The following CCDC38 variants were observed in gnomAD, a reference collection of about 807,000 sequenced individuals.
CCDC38 encodes the protein coiled-coil domain containing 38, also known as coiled-coil domain-containing protein 38.
CCDC38 carries 69 observed loss-of-function variants against 72.8 expected under a neutral mutation model. The ratio of observed to expected loss-of-function variants is 0.95; its 90% CI spans 0.78 to 1.16. The LOEUF (loss-of-function observed/expected upper bound fraction) is 1.16, where lower values mean the gene tolerates loss of function less well. Ranked by LOEUF, CCDC38 falls within the 50% of genes most tolerant of loss-of-function variation. The pLI is 0.00. For synonymous variants in CCDC38, 201 were observed against 213.2 expected (o/e 0.94, Z 0.50); for missense variants, 626 against 638.9 (o/e 0.98, Z 0.22).
At position 95,939,166 on chromosome 12, in the gene CCDC38, G is replaced by C. The variant is rs184857756; in HGVS notation, c.-14-2643C>G. Among the ~76,000 whole-genome samples the C allele has an allele frequency of 2.6e-5, 4 of 152,314 alleles. No individual in the cohort carries two copies. In the East Asian group the frequency reaches 5.8e-4, roughly 22 times the overall value. ...TTGGATGGCCTCAGTTGCATAGTAT[G>C]TGCTATGGGAGTGTAAGCACATGGA... On this transcript the variant is annotated intron_variant, in intron 1 of 15. Coordinates refer to ENST00000344280, the MANE Select transcript of CCDC38 (RefSeq NM_182496.3).
At chr12:95,932,887 G>A (rs190757742) in intron 2 of CCDC38, among the ~76,000 whole-genome samples, 4 of 152,222 alleles carry the variant, frequency 2.6e-5, no homozygotes, top group Non-Finnish European at 5.9e-5. Context: ...CTACAGTAAA[G>A]GGAAAGACAA....
intron 4 of CCDC38, among the ~76,000 whole-genome samples, chr12:95,914,329 C>A (rs561717292): frequency 6.6e-6 from 1 of 152,068 alleles, no homozygotes; most frequent in Non-Finnish European, 1.5e-5. Flanking sequence ...GTCTCAAAAA[C>A]AAAACAAAAC....
chr12:95,896,201 G>A (rs920762040), intron 7 of CCDC38, among the ~76,000 whole-genome samples: 2 of 152,064 alleles, frequency 1.3e-5, no homozygotes, highest in Non-Finnish European at 2.9e-5. Context: ...TTTAAAATAG[G>A]TACTATTATT....
chr12:95,921,101 C>T (rs2080202153), intron 2 of CCDC38, among the ~76,000 whole-genome samples: 1 of 150,228 alleles, frequency 6.7e-6, no homozygotes, highest in Non-Finnish European at 1.5e-5. Flanking sequence ...GCACTCCAGC[C>T]TGGGCAACAA....
intron 2 of CCDC38, among the ~76,000 whole-genome samples, chr12:95,920,940 C>T (rs1053568194): frequency 7.0e-6 from 1 of 141,948 alleles, no homozygotes; most frequent in African/African-American, 2.5e-5. Flanking sequence ...ACCAGCGTGA[C>T]CAACGTGGAG....
At position 95,895,047 on chromosome 12, in the gene CCDC38, T is replaced by C. The variant is rs1382899739; in HGVS notation, c.714A>G (p.Leu238=). The C allele has an allele frequency of 1.2e-6, 2 of 1,613,408 alleles. No individual in the cohort carries two copies. Among genetic ancestry groups the C allele is most frequent in the South Asian group, 1.1e-5 (1 of 90,824 alleles). ...SPKHWQIQQA[L]KRAQASKSKA... is the part of the protein sequence containing the mutation. Reference sequence around the variant, plus strand: ...TACTTTTTGATGCCTGTGCTCTTTTTAGTGCTTGCTGGATTTGCCAATGTT... The same window carrying C: ...TACTTTTTGATGCCTGTGCTCTTTTCAGTGCTTGCTGGATTTGCCAATGTT... The change falls in exon 8 of 16, where the codon CTA becomes CTG. Residue 238 remains leucine, a synonymous_variant. Transcript: ENST00000344280.
intron 1 of CCDC38, among the ~76,000 whole-genome samples, chr12:95,940,823 A>G (rs1214711537): frequency 6.6e-6 from 1 of 152,082 alleles, no homozygotes; most frequent in Non-Finnish European, 1.5e-5. Context: ...CAGGCTATTT[A>G]GTATGGACGC....
At chr12:95,898,315 C>T (rs2079912869) in intron 7 of CCDC38, 70 bp downstream of exon 7, 2 of 1,418,498 alleles carry the variant, frequency 1.4e-6, no homozygotes, top group Non-Finnish European at 1.0e-6. Context: ...ATTATTAGGT[C>T]TTACCTGGCA....
At chr12:95,941,654 GCAGAAATTTTATAATAGAA>G (rs563405249) in intron 1 of CCDC38, among the ~76,000 whole-genome samples, 1 of 152,246 alleles carries the variant, frequency 6.6e-6, no homozygotes, top group African/African-American at 2.4e-5. Context: ...AAAGTCTTCA[GCAGAAATTTTATAATAGAA>G]AATTTTAATA....
At chr12:95,876,695 G>T (rs2079639591) in intron 13 of CCDC38, among the ~76,000 whole-genome samples, 1 of 152,158 alleles carries the variant, frequency 6.6e-6, no homozygotes, top group Non-Finnish European at 1.5e-5. Context: ...CCTAGGAAAT[G>T]TGTGTGTGTC....
chr12:95,889,888 C>T (rs974047062), intron 9 of CCDC38, among the ~76,000 whole-genome samples: 1 of 148,718 alleles, frequency 6.7e-6, no homozygotes. Context: ...ATGACATATG[C>T]TTATTTTACT....
At chr12:95,883,676 T>C (rs1282650125) in intron 10 of CCDC38, among the ~76,000 whole-genome samples, 1 of 152,218 alleles carries the variant, frequency 6.6e-6, no homozygotes, top group African/African-American at 2.4e-5. Context: ...CATTATCACA[T>C]TGTATTGCAA....
At chr12:95,923,324 T>A (rs2080229137) in intron 2 of CCDC38, among the ~76,000 whole-genome samples, 1 of 152,074 alleles carries the variant, frequency 6.6e-6, no homozygotes, top group African/African-American at 2.4e-5. Flanking sequence ...GAGTTCTGCC[T>A]AATACAGTGG....
chr12:95,886,207 A>G, intron 10 of CCDC38, among the ~76,000 whole-genome samples: 1 of 152,214 alleles, frequency 6.6e-6, no homozygotes, highest in East Asian at 1.9e-4. Context: ...TGCAAAAGCA[A>G]TTCAATGAAA....
chr12:95,905,035 AGT>A (rs1202058780), intron 5 of CCDC38, among the ~76,000 whole-genome samples: 1 of 152,222 alleles, frequency 6.6e-6, no homozygotes, highest in African/African-American at 2.4e-5. Flanking sequence ...AAAATGGAAT[AGT>A]ATTTGCATAT....
At chr12:95,925,706 A>T (rs572918919) in intron 2 of CCDC38, among the ~76,000 whole-genome samples, 1 of 152,186 alleles carries the variant, frequency 6.6e-6, no homozygotes, top group South Asian at 2.1e-4. Flanking sequence ...TTATTTTGAG[A>T]TACGTCCCAT....
upstream of CCDC38, chr12:95,943,163 C>T (rs1381732161): frequency 4.1e-6 from 2 of 493,666 alleles, no homozygotes; most frequent in African/African-American, 2.0e-5. Context: ...TGGGACAAGA[C>T]GACCAAAAAA....
intron 4 of CCDC38, among the ~76,000 whole-genome samples, chr12:95,911,788 C>T (rs1291632343): frequency 1.3e-5 from 2 of 152,152 alleles, no homozygotes; most frequent in African/African-American, 2.4e-5. Context: ...AATTCAGCCC[C>T]ATGTGGAAAG....
Position 95,898,585 on chromosome 12 carries a change from A to G in CCDC38, c.516T>C (p.Ser172=), listed in dbSNP as rs906222277. The change falls in exon 6 of 16, where the codon TCT becomes TCC. Residue 172 remains serine (S), a synonymous_variant. Coordinates refer to ENST00000344280, the MANE Select transcript of CCDC38 (RefSeq NM_182496.3). Reference sequence around the variant, plus strand: ...AAACAAACATTTTCAGAGCGTCTACAGATCTCTGGTCATTTTCTCGAAGGA... The same window carrying G: ...AAACAAACATTTTCAGAGCGTCTACGGATCTCTGGTCATTTTCTCGAAGGA... ...EEFLRENDQR[S]VDALKMAAQE... The G allele has an allele frequency of 9.3e-6, 15 of 1,614,160 alleles. No individual in the cohort carries two copies. The highest frequency in any genetic ancestry group is 1.3e-5 in the Non-Finnish European group (15 of 1,180,010).
Sources: gnomAD v4.1 joint callset for allele counts (sites outside exome capture counted in the v4.1 genomes callset) on GRCh38, gnomAD v4.1.1 for gene constraint, MANE v1.5 for transcripts, NCBI Gene and HGNC (gene_info 2026-07-23, HGNC 2026-07-21) for gene names.